Variants in NCAM2 observed in about 807,000 individuals in gnomAD.
The protein encoded by NCAM2 is N-CAM-2.
NCAM2 carries 30 observed loss-of-function variants against 98.1 expected under a neutral mutation model. The observed-to-expected ratio is 0.31, with a 90% CI of 0.23 to 0.41. NCAM2 has a LOEUF of 0.41. Among genes scored for constraint, NCAM2 ranks in the 10% least tolerant of loss-of-function variants. The pLI is 1.00. For synonymous variants in NCAM2, 368 were observed against 342.4 expected (o/e 1.07, Z -0.83); for missense variants, 867 against 1,005.8 (o/e 0.86, Z 1.87).
At chr21:21,503,365 G>A (rs947847639) in intron 15 of NCAM2, among the ~76,000 whole-genome samples, 9 of 151,798 alleles carry the variant, frequency 5.9e-5, no homozygotes, top group African/African-American at 1.9e-4. Context: ...GAACATGAAC[G>A]CTTTGAGACT....
At chr21:21,177,056 T>C (rs2068315022) in intron 1 of NCAM2, among the ~76,000 whole-genome samples, 1 of 152,130 alleles carries the variant, frequency 6.6e-6, no homozygotes, top group Admixed American at 6.5e-5. Flanking sequence ...TAATTTATTC[T>C]GTAAAGGCAA....
At chr21:21,355,905 G>A (rs893656749) in intron 8 of NCAM2, among the ~76,000 whole-genome samples, 1 of 152,014 alleles carries the variant, frequency 6.6e-6, no homozygotes, top group Non-Finnish European at 1.5e-5. Flanking sequence ...CACTGCTCCC[G>A]GCCTTAATTT....
intron 5 of NCAM2, among the ~76,000 whole-genome samples, chr21:21,319,651 A>G (rs1439489828): frequency 6.6e-6 from 1 of 152,158 alleles, no homozygotes; most frequent in Admixed American, 6.6e-5. Context: ...AACAAAAAAT[A>G]AACAATAATA....
intron 1 of NCAM2, among the ~76,000 whole-genome samples, chr21:21,134,135 C>A (rs2066992824): frequency 6.7e-6 from 1 of 149,438 alleles, no homozygotes. Context: ...ATGGTGCAAT[C>A]TTGGCTCACT....
At chr21:21,218,962 C>T (rs1189192484) in intron 1 of NCAM2, among the ~76,000 whole-genome samples, 1 of 152,128 alleles carries the variant, frequency 6.6e-6, no homozygotes, top group Non-Finnish European at 1.5e-5. Context: ...AGAATCACTT[C>T]AACTCGGGAG....
At chr21:21,004,497 A>G (rs1019262671) in intron 1 of NCAM2, among the ~76,000 whole-genome samples, 1 of 152,166 alleles carries the variant, frequency 6.6e-6, no homozygotes, top group Non-Finnish European at 1.5e-5. Context: ...TATATTGTTG[A>G]TTCATTTGTT....
chr21:21,367,002 G>A lies in NCAM2; in HGVS notation c.1045-6861G>A, dbSNP rs1258682075. ...TAGTTGTATGACTTGAGAGCAGTGT[G>A]GTTTAATAACATGGTATCGCTGTTC... On this transcript the variant is annotated intron_variant, in intron 8 of 17. Coordinates refer to ENST00000400546, the MANE Select transcript of NCAM2 (RefSeq NM_004540.5). Among the ~76,000 whole-genome samples, 4 of 151,914 alleles carry A rather than the reference G, an allele frequency of 2.6e-5. No homozygotes were observed. The East Asian group carries it at 5.8e-4, about 22-fold the overall frequency.
chr21:21,265,298 C>CACATATA (rs2072192288), intron 1 of NCAM2, among the ~76,000 whole-genome samples: 1 of 122,312 alleles, frequency 8.2e-6, no homozygotes, highest in Admixed American at 8.7e-5. Context: ...TGTATATATA[C>CACATATA]GTGTATACAT....
At chr21:21,075,824 A>G (rs2065668791) in intron 1 of NCAM2, among the ~76,000 whole-genome samples, 1 of 152,192 alleles carries the variant, frequency 6.6e-6, no homozygotes, top group African/African-American at 2.4e-5. Flanking sequence ...ATGTAGCTTA[A>G]GAATATGATT....
At chr21:21,335,481 A>G in intron 6 of NCAM2, 24 bp from the exon 7 acceptor site, 16 of 1,571,698 alleles carry the variant, frequency 1.0e-5, no homozygotes, top group Non-Finnish European at 1.3e-5. Flanking sequence ...ATCTGTGAGG[A>G]TGAACCTCTT....
At chr21:21,431,046 C>CAAAAAAAAAAAAAAAAAAAAAAA (rs34613152) in intron 11 of NCAM2, among the ~76,000 whole-genome samples, 1 of 64,062 alleles carries the variant, frequency 1.6e-5, no homozygotes, top group Non-Finnish European at 2.8e-5. Flanking sequence ...AACTCCGTCT[C>CAAAAAAAAAAAAAAAAAAAAAAA]AAAAAAAAAA....
chr21:21,456,706 C>G (rs1982199747), intron 12 of NCAM2, among the ~76,000 whole-genome samples: 1 of 152,010 alleles, frequency 6.6e-6, no homozygotes. Flanking sequence ...TATATTGAAA[C>G]CTAGTCCTCA....
intron 16 of NCAM2, among the ~76,000 whole-genome samples, chr21:21,514,556 C>A (rs1028137549): frequency 4.0e-5 from 6 of 149,802 alleles, no homozygotes; most frequent in Admixed American, 6.7e-5. Context: ...TTTAATTTGT[C>A]TCTTGTCTTA....
intron 1 of NCAM2, among the ~76,000 whole-genome samples, chr21:21,048,153 C>G (rs551671222): frequency 3.3e-5 from 5 of 152,260 alleles, no homozygotes; most frequent in Admixed American, 6.5e-5. Flanking sequence ...ACAACCTGCT[C>G]TCTCTGAAGT....
At chr21:21,298,604 T>C (rs906380518) in intron 5 of NCAM2, among the ~76,000 whole-genome samples, 12 of 149,386 alleles carry the variant, frequency 8.0e-5, no homozygotes, top group South Asian at 4.2e-4. Context: ...GATAGATAGA[T>C]AGATAGATAG....
chr21:21,050,763 A>G lies in NCAM2; in HGVS notation c.55+52145A>G, dbSNP rs1290823923. 2.6e-5 allele frequency among the ~76,000 whole-genome samples: 4 copies of G among 152,194 alleles called. No homozygotes were observed. In the East Asian group the frequency reaches 7.7e-4, roughly 29 times the overall value. On this transcript the variant is annotated intron_variant, in intron 1 of 17. Transcript: ENST00000400546. Reference sequence around the variant, plus strand: ...GGAAATGAAAATGAGCACCATGCCTATACGCCTGCGTGATTATAAGATTTA... The same window carrying G: ...GGAAATGAAAATGAGCACCATGCCTGTACGCCTGCGTGATTATAAGATTTA...
At chr21:21,329,232 C>T (rs1439289945) in intron 6 of NCAM2, among the ~76,000 whole-genome samples, 1 of 152,130 alleles carries the variant, frequency 6.6e-6, no homozygotes, top group Admixed American at 6.5e-5. Context: ...CAGGTGTGAG[C>T]CACCACGCCT....
chr21:21,140,611 C>A (rs1216087648), intron 1 of NCAM2, among the ~76,000 whole-genome samples: 2 of 152,094 alleles, frequency 1.3e-5, no homozygotes, highest in Non-Finnish European at 2.9e-5. Context: ...GTAGGACCAC[C>A]AGGGTCCAGA....
At chr21:21,192,713 A>G (rs1360762046) in intron 1 of NCAM2, among the ~76,000 whole-genome samples, 1 of 152,206 alleles carries the variant, frequency 6.6e-6, no homozygotes, top group Non-Finnish European at 1.5e-5. Flanking sequence ...GAAGGTAAAA[A>G]AAACAAAACA....
Sources: gnomAD v4.1 joint callset for allele counts (sites outside exome capture counted in the v4.1 genomes callset) on GRCh38, gnomAD v4.1.1 for gene constraint, MANE v1.5 for transcripts, NCBI Gene and HGNC (gene_info 2026-07-23, HGNC 2026-07-21) for gene names.